The following B3GALNT1 variants were observed in gnomAD, a reference collection of about 807,000 sequenced individuals.
B3GALNT1 encodes the protein beta-1,3-N-acetylgalactosaminyltransferase 1 (Globoside blood group).
A neutral mutation model predicts 27.3 loss-of-function variants in B3GALNT1; 17 were observed. The observed-to-expected ratio is 0.62, with a 90% CI of 0.43 to 0.94. The LOEUF (loss-of-function observed/expected upper bound fraction) is 0.94. Ranked by LOEUF, B3GALNT1 falls within the 40% of genes least tolerant of loss-of-function variation. B3GALNT1 has a pLI of 0.00. For synonymous variants in B3GALNT1, 141 were observed against 144.0 expected (o/e 0.98, Z 0.15); for missense variants, 347 against 390.0 (o/e 0.89, Z 0.93).
rs367667735 is a variant in B3GALNT1, at chr3:161,102,099, T to C, written c.-129-866A>G. Among the ~76,000 whole-genome samples the C allele has an allele frequency of 3.3e-5, 5 of 152,332 alleles. No homozygotes were observed. The East Asian group carries it at 5.8e-4, about 18-fold the overall frequency. ...AAAGGCAGATAGTAAATATCTTCTT[T>C]GAGGGCCCTAGGGTCTGTCTCAGCT... On this transcript the variant is annotated intron_variant, in intron 3 of 4. Coordinates refer to ENST00000320474, the MANE Select transcript of B3GALNT1 (RefSeq NM_003781.4).
intron 2 of B3GALNT1, 138 bp from the exon 3 acceptor site, chr3:161,103,655 G>A (rs373892479): frequency 3.9e-6 from 1 of 257,494 alleles, no homozygotes. Flanking sequence ...TTTTGGAAAA[G>A]CCTTGATCCT....
At chr3:161,086,852 T>C (rs578082669) in intron 4 of B3GALNT1, 64 bp from the exon 5 acceptor site, 539 of 1,485,208 alleles carry the variant, frequency 3.6e-4, no homozygotes, top group Non-Finnish European at 4.8e-4. Context: ...AAAAGACATC[T>C]GACTATCTAC....
intron 4 of B3GALNT1, among the ~76,000 whole-genome samples, chr3:161,099,259 C>T (rs1028821322): frequency 2.0e-5 from 3 of 151,936 alleles, no homozygotes; most frequent in Admixed American, 6.6e-5. Context: ...AATTAAAGAA[C>T]GTGGGCTTAT....
rs964859381 is a variant in B3GALNT1 at position 161,084,953 on chromosome 3, G to A, written c.*806C>T. The A allele has an allele frequency of 6.6e-5, 10 of 152,082 alleles. No individual in the cohort carries two copies. Among genetic ancestry groups the A allele is most frequent in the Non-Finnish European group, 1.5e-4 (10 of 68,006 alleles). 9.4% of individuals were successfully genotyped at this position (152,082 alleles called of 1,614,324 possible). ...ATTAAGTGACTTCTAAAAACACTAG[G>A]AACTGTATTTTTTAAAAACAAGACA... On this transcript the variant is annotated 3_prime_UTR_variant, in exon 5 of 5. Transcript: ENST00000320474.
intron 4 of B3GALNT1, among the ~76,000 whole-genome samples, chr3:161,087,476 A>G (rs1215479112): frequency 6.6e-6 from 1 of 151,776 alleles, no homozygotes; most frequent in African/African-American, 2.4e-5. Context: ...CCCTCCTTTT[A>G]CCTCATTGGT....
At chr3:161,092,118 G>T (rs35446590) in intron 4 of B3GALNT1, among the ~76,000 whole-genome samples, 22,356 of 152,124 alleles carry the variant, frequency 0.15, 1,845 homozygotes, top group East Asian at 0.25. Context: ...ACAATGTAAT[G>T]TTTAACTGGA....
At chr3:161,090,335 G>A (rs1724383111) in intron 4 of B3GALNT1, among the ~76,000 whole-genome samples, 1 of 151,840 alleles carries the variant, frequency 6.6e-6, no homozygotes, top group African/African-American at 2.4e-5. Context: ...ACATCAAGCA[G>A]ATAAAAAAGG....
At chr3:161,100,399 A>G (rs775966729) in intron 4 of B3GALNT1, among the ~76,000 whole-genome samples, 8 of 151,716 alleles carry the variant, frequency 5.3e-5, no homozygotes, top group Non-Finnish European at 1.0e-4. Flanking sequence ...TGCCCTTGAA[A>G]CTCTGCTGGT....
chr3:161,098,574 A>T (rs550092969), intron 4 of B3GALNT1, among the ~76,000 whole-genome samples: 2 of 152,314 alleles, frequency 1.3e-5, no homozygotes, highest in South Asian at 4.1e-4. Flanking sequence ...TTAGCCAGGC[A>T]TACTGGTGCA....
rs1041260968 is a variant in B3GALNT1, at chr3:161,085,575, C to T, written c.*184G>A. 47 of 635,082 alleles carry T rather than the reference C, an allele frequency of 7.4e-5. No homozygotes were observed. Among genetic ancestry groups the T allele is most frequent in the Non-Finnish European group, 1.2e-4 (45 of 364,352 alleles). The allele number at this position is 635,082 out of a possible 1,614,324, so 39.3% of individuals were successfully genotyped here. ...TATATTTAATTCCTCCACATATCAT[C>T]TTTGAAGGGCCTGACTAATAAATCA... On this transcript the variant is annotated 3_prime_UTR_variant, in exon 5 of 5. Coordinates refer to ENST00000320474, the MANE Select transcript of B3GALNT1 (RefSeq NM_003781.4).
intron 4 of B3GALNT1, among the ~76,000 whole-genome samples, chr3:161,089,775 A>C (rs949866175): frequency 6.6e-6 from 1 of 152,204 alleles, no homozygotes; most frequent in Non-Finnish European, 1.5e-5. Context: ...TACTAAAAAA[A>C]AAAGACTCTC....
At chr3:161,088,466 T>C (rs1723217405) in intron 4 of B3GALNT1, among the ~76,000 whole-genome samples, 1 of 152,150 alleles carries the variant, frequency 6.6e-6, no homozygotes, top group Non-Finnish European at 1.5e-5. Flanking sequence ...AGGCTTGATA[T>C]GCTATCTCCA....
chr3:161,087,628 G>T (rs1475742334), intron 4 of B3GALNT1, among the ~76,000 whole-genome samples: 8 of 152,154 alleles, frequency 5.3e-5, no homozygotes, highest in African/African-American at 1.9e-4. Context: ...TAAAACACTT[G>T]CTTTTACACA....
intron 4 of B3GALNT1, among the ~76,000 whole-genome samples, chr3:161,091,966 C>G (rs900577435): frequency 6.6e-6 from 1 of 152,156 alleles, no homozygotes; most frequent in Non-Finnish European, 1.5e-5. Flanking sequence ...AGTAACACCA[C>G]GAAGATTACT....
At chr3:161,102,857 C>T (rs1292135786) in intron 3 of B3GALNT1, among the ~76,000 whole-genome samples, 1 of 152,080 alleles carries the variant, frequency 6.6e-6, no homozygotes, top group East Asian at 1.9e-4. Flanking sequence ...CTGCATCATC[C>T]AATGGTGGAT....
intron 4 of B3GALNT1, among the ~76,000 whole-genome samples, chr3:161,096,139 T>G (rs35427414): frequency 6.6e-6 from 1 of 152,258 alleles, no homozygotes; most frequent in African/African-American, 2.4e-5. Flanking sequence ...TCTGTAATAT[T>G]TGCATACTTT....
At chr3:161,096,801 C>T (rs1222421609) in intron 4 of B3GALNT1, among the ~76,000 whole-genome samples, 1 of 152,180 alleles carries the variant, frequency 6.6e-6, no homozygotes, top group Admixed American at 6.5e-5. Flanking sequence ...TCTTCTTTAA[C>T]CCAGTGGTTC....
chr3:161,094,648 C>G (rs544442969), intron 4 of B3GALNT1, among the ~76,000 whole-genome samples: 51 of 152,000 alleles, frequency 3.4e-4, no homozygotes, highest in Non-Finnish European at 6.8e-4. Flanking sequence ...CAGAAGAGCA[C>G]AGAGACAATA....
At chr3:161,104,504 T>A (rs1331434469) in intron 1 of B3GALNT1, 98 bp from the exon 2 acceptor site, 2 of 451,056 alleles carry the variant, frequency 4.4e-6, no homozygotes, top group African/African-American at 4.1e-5. Flanking sequence ...ATTCAAAGAC[T>A]ACCCGTACTT....
Sources: gnomAD v4.1 joint callset for allele counts (sites outside exome capture counted in the v4.1 genomes callset) on GRCh38, gnomAD v4.1.1 for gene constraint, MANE v1.5 for transcripts, NCBI Gene and HGNC (gene_info 2026-07-23, HGNC 2026-07-21) for gene names.